Variants in EPHB2 observed in about 807,000 individuals in gnomAD.
EPHB2 encodes ephrin type-B receptor 2.
In EPHB2, 18 loss-of-function variants were observed where a neutral mutation model predicts 96.4. The ratio of observed to expected loss-of-function variants is 0.19; its 90% confidence interval spans 0.13 to 0.28. EPHB2 has a LOEUF of 0.28. EPHB2 is among the 10% of genes least tolerant of loss of function. The pLI is 1.00. For synonymous variants in EPHB2, 506 were observed against 534.1 expected, an observed-to-expected ratio of 0.95 and a Z score of 0.72; for missense variants, 989 against 1,355.4, an observed-to-expected ratio of 0.73 and a Z score of 4.25.
chr1:22,784,835 G>A lies in EPHB2; in HGVS notation c.570G>A (p.Val190=), dbSNP rs147098147. 6.2e-7 allele frequency: 1 copy of A among 1,606,020 alleles called. No homozygotes were observed. Among genetic ancestry groups the A allele is most frequent in the Non-Finnish European group, 8.5e-7 (1 of 1,175,036 alleles). ...DYGGCMSLIA[V]RVFYRKCPRI... is the part of the protein sequence containing the mutation. The stretch of plus-strand genomic sequence containing the variant: ...GCGGCTGCATGTCCCTCATCGCCGT[G>A]CGTGTCTTCTACCGCAAGTGCCCCC... Residue 190 remains valine, a synonymous_variant, in exon 3 of 16, where the codon GTG becomes GTA. Transcript: ENST00000374630. The surrounding 1 kb of genome is among the most constrained non-coding windows in gnomAD (Gnocchi z 5.1).
intron 1 of EPHB2, among the ~76,000 whole-genome samples, chr1:22,735,432 C>T (rs137880698): frequency 1.1e-3 from 138 of 130,602 alleles, no homozygotes; most frequent in African/African-American, 3.2e-3. Flanking sequence ...GAGTGAGACC[C>T]GGTATCAAAA....
intron 1 of EPHB2, among the ~76,000 whole-genome samples, chr1:22,744,648 G>A (rs1339376952): frequency 7.3e-6 from 1 of 137,364 alleles, no homozygotes; most frequent in Non-Finnish European, 1.5e-5. Flanking sequence ...AGTGAGCCTG[G>A]GCGACAGAGT....
At chr1:22,897,279 A>G (rs1639596558) in intron 9 of EPHB2, among the ~76,000 whole-genome samples, 1 of 152,212 alleles carries the variant, frequency 6.6e-6, no homozygotes, top group Non-Finnish European at 1.5e-5. Context: ...GGGGAGAGCA[A>G]GAACCTTAGT....
chr1:22,892,694 C>G (rs116119), intron 6 of EPHB2, 190 bp from the exon 7 acceptor site: 1 of 783,928 alleles, frequency 1.3e-6, no homozygotes, highest in African/African-American at 1.7e-5. Flanking sequence ...CTCTGCCTAC[C>G]TTTGTGGGCA....
chr1:22,823,867 G>A (rs1272220586), intron 3 of EPHB2, among the ~76,000 whole-genome samples: 1 of 152,240 alleles, frequency 6.6e-6, no homozygotes, highest in Non-Finnish European at 1.5e-5. Context: ...AAAGATGAGC[G>A]ATTGGTAGGC....
At chr1:22,776,770 T>C (rs1266950550) in intron 1 of EPHB2, among the ~76,000 whole-genome samples, 3 of 152,248 alleles carry the variant, frequency 2.0e-5, no homozygotes, top group Non-Finnish European at 2.9e-5. Flanking sequence ...CAGGTTGTAG[T>C]TGGAAATGGC....
At chr1:22,902,982 G>A (rs1305900483) in intron 9 of EPHB2, among the ~76,000 whole-genome samples, 1 of 152,230 alleles carries the variant, frequency 6.6e-6, no homozygotes, top group Admixed American at 6.5e-5. Context: ...CAAAAGCATG[G>A]AGGCAGGAAA....
At chr1:22,806,204 A>G (rs1362923670) in intron 3 of EPHB2, among the ~76,000 whole-genome samples, 3 of 152,258 alleles carry the variant, frequency 2.0e-5, no homozygotes, top group Non-Finnish European at 4.4e-5. Flanking sequence ...CAGGGCAAAC[A>G]CTTTATAACT....
intron 1 of EPHB2, among the ~76,000 whole-genome samples, chr1:22,727,632 G>A (rs532835740): frequency 1.3e-5 from 2 of 152,226 alleles, no homozygotes; most frequent in South Asian, 2.1e-4. Flanking sequence ...AGAGATAGTG[G>A]CACGGCTGGA....
chr1:22,730,818 A>G (rs907619984), intron 1 of EPHB2, among the ~76,000 whole-genome samples: 1 of 152,140 alleles, frequency 6.6e-6, no homozygotes, highest in African/African-American at 2.4e-5. Context: ...GGAGCGGTGC[A>G]GGGCTTTGAG....
At chr1:22,724,860 T>G (rs1254303266) in intron 1 of EPHB2, among the ~76,000 whole-genome samples, 1 of 152,138 alleles carries the variant, frequency 6.6e-6, no homozygotes, top group Non-Finnish European at 1.5e-5. Flanking sequence ...ACTCAAGGCT[T>G]TGGGCTCCTA....
intron 1 of EPHB2, among the ~76,000 whole-genome samples, chr1:22,759,600 CT>C (rs1406852227): frequency 6.6e-6 from 1 of 152,140 alleles, no homozygotes; most frequent in African/African-American, 2.4e-5. Context: ...CTGTTTAGGA[CT>C]GCGCTGTTGC....
In EPHB2 at chr1:22,899,624, A is replaced by G. The variant is rs140453150; in HGVS notation, c.1765+3146A>G. Among the ~76,000 whole-genome samples, 15 of 152,326 alleles carry G rather than the reference A, an allele frequency of 9.8e-5. No homozygotes were observed. In the East Asian group the frequency reaches 2.7e-3, roughly 27 times the overall value. On this transcript the variant is annotated intron_variant, in intron 9 of 15. Coordinates refer to ENST00000374630, the MANE Select transcript of EPHB2 (RefSeq NM_017449.5). ...ATAGAAAAGGACCTTCTAAACATGA[A>G]AGCAATTGATAACTCCTAAGAAAAA...
chr1:22,865,380 A>G (rs937451877), intron 5 of EPHB2, among the ~76,000 whole-genome samples, 168 bp downstream of exon 5: 4 of 152,200 alleles, frequency 2.6e-5, no homozygotes, highest in African/African-American at 9.7e-5. Flanking sequence ...TCTTCATTGT[A>G]GTGGTATTAA....
chr1:22,788,574 G>A (rs755068440), intron 3 of EPHB2, among the ~76,000 whole-genome samples: 11 of 152,138 alleles, frequency 7.2e-5, no homozygotes, highest in Non-Finnish European at 1.3e-4. Context: ...GTGCTTTCTC[G>A]TCCTCTAGCT....
chr1:22,839,663 A>C (rs1645437250), intron 3 of EPHB2, among the ~76,000 whole-genome samples: 1 of 152,230 alleles, frequency 6.6e-6, no homozygotes, highest in Non-Finnish European at 1.5e-5. Context: ...TACATGGCAA[A>C]CATGGGGTCC....
At chr1:22,815,393 G>T (rs1369871340) in intron 3 of EPHB2, among the ~76,000 whole-genome samples, 2 of 152,194 alleles carry the variant, frequency 1.3e-5, no homozygotes, top group Non-Finnish European at 2.9e-5. Flanking sequence ...GAAATGAGTT[G>T]CCCAAGGCCA....
Position 22,908,125 on chromosome 1 carries a change from T to C in EPHB2, c.2309T>C (p.Phe770Ser), listed in dbSNP as rs746591241. ...CKVSDFGLSR[F>S]LEDDTSDPTY... ...GTGTCGGACTTTGGGCTCTCACGCT[T>C]TCTAGAGGACGATACCTCAGACCCC... Residue 770 changes from phenylalanine to serine, a missense_variant, in exon 12 of 16, where the codon TTT becomes TCT. Physicochemically the swap from Phe to Ser is radical, Grantham distance 155 (BLOSUM62 -2). Transcript: ENST00000374630. The C allele has an allele frequency of 3.7e-6, 6 of 1,614,204 alleles. No individual in the cohort carries two copies. The South Asian group carries it at 4.4e-5, about 12-fold the overall frequency.
chr1:22,824,968 G>A (rs1645203261), intron 3 of EPHB2, among the ~76,000 whole-genome samples: 1 of 152,184 alleles, frequency 6.6e-6, no homozygotes, highest in Non-Finnish European at 1.5e-5. Flanking sequence ...TGCGGGAAGG[G>A]GACTTGGGGA....
Sources: allele counts gnomAD v4.1 joint callset (sites outside exome capture counted in the v4.1 genomes callset), GRCh38; gene constraint gnomAD v4.1.1; non-coding constraint Gnocchi (gnomAD v3.1); transcripts MANE v1.5; gene names NCBI Gene and HGNC (gene_info 2026-07-23, HGNC 2026-07-21).